PPM1E: variants seen among roughly 807,000 people sequenced by gnomAD.
PPM1E encodes the protein protein phosphatase, Mg2+/Mn2+ dependent 1E, also known as protein phosphatase 1E.
Under a neutral mutation model 65.9 loss-of-function variants are expected in PPM1E, and 20 were observed. That is an observed-to-expected ratio of 0.30 (90% CI 0.21 to 0.44). PPM1E has a LOEUF of 0.44. PPM1E is among the 20% of genes least tolerant of loss of function. The pLI, the probability that PPM1E is intolerant of heterozygous loss-of-function variation, is 1.00. For missense variants in PPM1E, 713 were observed against 953.1 expected, an observed-to-expected ratio of 0.75 and a Z score of 3.32; for synonymous variants, 352 against 374.9, an observed-to-expected ratio of 0.94 and a Z score of 0.70.
intron 1 of PPM1E, among the ~76,000 whole-genome samples, chr17:58,916,795 G>T (rs1438673233): frequency 6.6e-6 from 1 of 152,132 alleles, no homozygotes; most frequent in Non-Finnish European, 1.5e-5. Context: ...TTAACTGAGA[G>T]CTTTAAGGGC....
At chr17:58,925,598 G>A (rs1008110677) in intron 1 of PPM1E, among the ~76,000 whole-genome samples, 1 of 151,744 alleles carries the variant, frequency 6.6e-6, no homozygotes, top group Non-Finnish European at 1.5e-5. Flanking sequence ...CTACCACCAT[G>A]CCCAGCTAAT....
intron 1 of PPM1E, among the ~76,000 whole-genome samples, chr17:58,932,543 A>AAAAC (rs761875590): frequency 5.9e-5 from 9 of 152,346 alleles, no homozygotes; most frequent in South Asian, 2.1e-4. Flanking sequence ...ATAAATTATA[A>AAAAC]AAACAAACAA....
At chr17:58,829,729 A>G (rs1414313874) in intron 1 of PPM1E, among the ~76,000 whole-genome samples, 2 of 152,108 alleles carry the variant, frequency 1.3e-5, no homozygotes, top group African/African-American at 4.8e-5. Context: ...GTCTTTTTAT[A>G]AAAGATTCAT....
At chr17:58,793,058 A>G (rs927443137) in intron 1 of PPM1E, among the ~76,000 whole-genome samples, 1 of 151,678 alleles carries the variant, frequency 6.6e-6, no homozygotes, top group Non-Finnish European at 1.5e-5. Context: ...GAATTTTACT[A>G]CTTTTTAAGT....
intron 1 of PPM1E, among the ~76,000 whole-genome samples, chr17:58,820,543 A>G (rs1455781766): frequency 6.6e-6 from 1 of 152,200 alleles, no homozygotes; most frequent in Non-Finnish European, 1.5e-5. Flanking sequence ...ACTGTAAAAG[A>G]CGTGGTTGAA....
At position 58,954,242 on chromosome 17, in the gene PPM1E, T is replaced by C. The variant is rs533414362; in HGVS notation, c.465-1407T>C. Among the ~76,000 whole-genome samples the C allele has an allele frequency of 5.3e-5, 8 of 152,240 alleles. No homozygotes were observed. The East Asian group carries it at 1.5e-3, about 29-fold the overall frequency. On this transcript the variant is annotated intron_variant, in intron 1 of 6. Transcript: ENST00000308249. ...ACCTCTACATCCAATCATCAACAAG[T>C]TCTATATTTTTTTCTCACTCTTTTT...
Position 58,777,634 on chromosome 17 carries a change from A to G in PPM1E, c.464+21173A>G, listed in dbSNP as rs115450536. Among the ~76,000 whole-genome samples, 428 of 152,324 alleles carry G rather than the reference A, an allele frequency of 2.8e-3. 2 individuals carry two copies. Among genetic ancestry groups the G allele is most frequent in the African/African-American group, 9.9e-3 (413 of 41,566 alleles). ...TTCAGCATAGTGCGAGGGAGTGGGA[A>G]CAAGTACCTATAAGTATACATAGGG... On this transcript the variant is annotated intron_variant, in intron 1 of 6. Transcript: ENST00000308249.
chr17:58,795,657 TTG>T (rs1204162012), intron 1 of PPM1E, among the ~76,000 whole-genome samples: 1 of 152,214 alleles, frequency 6.6e-6, no homozygotes, highest in African/African-American at 2.4e-5. Flanking sequence ...TGAACTATGT[TTG>T]TGCCACTGCA....
intron 2 of PPM1E, among the ~76,000 whole-genome samples, chr17:58,959,586 G>A (rs1033741675): frequency 2.4e-4 from 33 of 138,774 alleles, no homozygotes; most frequent in African/African-American, 8.5e-4. Flanking sequence ...GTGACAGAGT[G>A]AGACTCTGTC....
chr17:58,834,886 A>C (rs564532726), intron 1 of PPM1E, among the ~76,000 whole-genome samples: 1 of 152,058 alleles, frequency 6.6e-6, no homozygotes, highest in South Asian at 2.1e-4. Context: ...TTTCCATATA[A>C]ATTTTAGAAT....
rs1267515023 is a variant in PPM1E, at chr17:58,960,671, A to T, written c.583+4904A>T. On this transcript the variant is annotated intron_variant, in intron 2 of 6. Transcript: ENST00000308249. ...ACGCCTGTAATCCCAGCTACTCGGGAGGCTGAGGCAGGAGAATTGAGGAGG... is the reference window on the plus strand; with the variant it reads ...ACGCCTGTAATCCCAGCTACTCGGGTGGCTGAGGCAGGAGAATTGAGGAGG... 4.0e-5 allele frequency among the ~76,000 whole-genome samples: 6 copies of T among 150,888 alleles called. 1 individual carries two copies.
chr17:58,848,923 G>A (rs992275620), intron 1 of PPM1E, among the ~76,000 whole-genome samples: 2 of 152,018 alleles, frequency 1.3e-5, no homozygotes, highest in Non-Finnish European at 2.9e-5. Context: ...TTGGTTGGTA[G>A]GCTATTAATT....
At chr17:58,968,040 G>A (rs2030368735) in intron 3 of PPM1E, among the ~76,000 whole-genome samples, 1 of 152,074 alleles carries the variant, frequency 6.6e-6, no homozygotes, top group Non-Finnish European at 1.5e-5. Flanking sequence ...TTGACCTTGT[G>A]ATCTGCCCGC....
chr17:58,805,974 C>CAAAAAAAAAAAA (rs1341289870), intron 1 of PPM1E, among the ~76,000 whole-genome samples: 2 of 74,016 alleles, frequency 2.7e-5, no homozygotes, highest in Non-Finnish European at 2.5e-5. Flanking sequence ...AAAAAAAAAA[C>CAAAAAAAAAAAA]AAAAAAAAAA....
In PPM1E at chr17:58,972,073, A is replaced by G. The variant is rs2030669147; in HGVS notation, c.973-59A>G. The G allele has an allele frequency of 4.0e-6, 6 of 1,513,928 alleles. No homozygotes were observed. In the East Asian group the frequency reaches 9.1e-5, roughly 23 times the overall value. 93.8% of individuals were successfully genotyped at this position (1,513,928 alleles called of 1,614,324 possible). On this transcript the variant is annotated intron_variant, in intron 4 of 6. Coordinates refer to ENST00000308249, the MANE Select transcript of PPM1E (RefSeq NM_014906.5). ...AAGCTTAATTATAAATTGCTTCTCA[A>G]TAAGAATGTAGTATCTATTTCTTTT... is the stretch of plus-strand genomic sequence containing the variant.
rs377036708 is a variant in PPM1E at position 58,783,865 on chromosome 17, G to A, written c.464+27404G>A. 9.4e-3 allele frequency among the ~76,000 whole-genome samples: 1,370 copies of A among 145,270 alleles called. 19 individuals are homozygous for A. The highest frequency in any genetic ancestry group is 0.033 in the African/African-American group (1,281 of 39,126). ...TGGGATTACAGGTGACCACCACCAC[G>A]CCCAGCTACTTTTTTCTGTATTTTT... On this transcript the variant is annotated intron_variant, in intron 1 of 6. Coordinates refer to ENST00000308249, the MANE Select transcript of PPM1E (RefSeq NM_014906.5).
At chr17:58,814,088 G>A (rs1479036591) in intron 1 of PPM1E, among the ~76,000 whole-genome samples, 1 of 152,170 alleles carries the variant, frequency 6.6e-6, no homozygotes, top group Non-Finnish European at 1.5e-5. Context: ...GTTAAACAGA[G>A]TTTCCAATAA....
At position 58,983,663 on chromosome 17, in the gene PPM1E, GGT is replaced by G. The variant is rs1210469853; in HGVS notation, c.*2633_*2634del. ...AATATCTATAAACTGTTAATGCTGA[GGT>G]ATAGTCTGTGAATTATGTGTTTTGT... On this transcript the variant is annotated 3_prime_UTR_variant, in exon 7 of 7. Transcript: ENST00000308249. 2 of 152,522 alleles carry G rather than the reference GGT, an allele frequency of 1.3e-5. No homozygotes were observed. The highest frequency in any genetic ancestry group is 6.6e-5 in the Admixed American group (1 of 15,260). The allele number at this position is 152,522 out of a possible 1,614,324, so 9.4% of individuals were successfully genotyped here.
intron 1 of PPM1E, among the ~76,000 whole-genome samples, chr17:58,797,321 G>T (rs2050216243): frequency 6.6e-6 from 1 of 151,948 alleles, no homozygotes; most frequent in South Asian, 2.1e-4. Context: ...ATCCCTATCA[G>T]AATTAGAACA....
Sources: allele counts gnomAD v4.1 joint callset (sites outside exome capture counted in the v4.1 genomes callset), GRCh38; gene constraint gnomAD v4.1.1; transcripts MANE v1.5; gene names NCBI Gene and HGNC (gene_info 2026-07-23, HGNC 2026-07-21).